The following KCNE2 variants were observed in gnomAD, a reference collection of about 807,000 sequenced individuals.
KCNE2 encodes the protein potassium voltage-gated channel subfamily E regulatory subunit 2, also known as potassium voltage-gated channel subfamily E member 2.
KCNE2 carries 4 observed loss-of-function variants against 4.5 expected under a neutral mutation model. That is an observed-to-expected ratio of 0.89 (90% confidence interval 0.44 to 2.03). KCNE2 has a LOEUF of 2.03. Among genes scored for constraint, KCNE2 ranks in the 30% most tolerant of loss-of-function variants. KCNE2 has a pLI of 0.03. For missense variants in KCNE2, 137 were observed against 151.4 expected (o/e 0.90, Z 0.50); for synonymous variants, 57 against 55.9 (o/e 1.02, Z -0.09).
intron 1 of KCNE2, among the ~76,000 whole-genome samples, chr21:34,364,501 G>A (rs1264878013): frequency 1.3e-5 from 2 of 152,140 alleles, no homozygotes; most frequent in Non-Finnish European, 2.9e-5. Context: ...TGGGCGCGGT[G>A]GCTCACGCCT....
At chr21:34,368,866 T>C (rs557255766) in intron 1 of KCNE2, among the ~76,000 whole-genome samples, 1 of 152,226 alleles carries the variant, frequency 6.6e-6, no homozygotes, top group South Asian at 2.1e-4. Context: ...ACTGCATATG[T>C]GATGTGTGCT....
chr21:34,369,078 C>T (rs1417298996), intron 1 of KCNE2, among the ~76,000 whole-genome samples: 1 of 152,036 alleles, frequency 6.6e-6, no homozygotes, highest in Non-Finnish European at 1.5e-5. Context: ...AGCTTACTGA[C>T]AGGGAGGGAA....
In KCNE2 at chr21:34,368,197, T is replaced by TCACACACA. The variant is rs534677357; in HGVS notation, c.-12-2245_-12-2238dup. ...AAAAGATGAGCCCCTAAACCAATAA[T>TCACACACA]CACACACACACACACACACACACAC... is the stretch of plus-strand genomic sequence containing the variant. On this transcript the variant is annotated intron_variant, in intron 1 of 1. Transcript: ENST00000290310. Among the ~76,000 whole-genome samples, 6 of 93,230 alleles carry TCACACACA rather than the reference T, an allele frequency of 6.4e-5. No homozygotes were observed. The South Asian group carries it at 2.2e-3, about 34-fold the overall frequency. The allele number at this position is 93,230 out of a possible 152,430, so 61.2% of individuals were successfully genotyped here.
At position 34,364,126 on chromosome 21, in the gene KCNE2, T is replaced by C. The variant is rs1352550335; in HGVS notation, c.-38T>C. ...AGAACAGCCTGGCTTTGGAAAGGAATTTCATCCTGCCCACACACTGCATAG... is the reference window on the plus strand; with the variant it reads ...AGAACAGCCTGGCTTTGGAAAGGAACTTCATCCTGCCCACACACTGCATAG... On this transcript the variant is annotated 5_prime_UTR_variant, in exon 1 of 2. Coordinates refer to ENST00000290310, the MANE Select transcript of KCNE2 (RefSeq NM_172201.2). 6.6e-6 allele frequency: 1 copy of C among 152,168 alleles called. No homozygotes were observed. The highest frequency in any genetic ancestry group is 1.5e-5 in the Non-Finnish European group (1 of 68,036). 9.4% of individuals were successfully genotyped at this position (152,168 alleles called of 1,614,324 possible).
At chr21:34,369,050 A>G (rs1180711311) in intron 1 of KCNE2, among the ~76,000 whole-genome samples, 1 of 152,082 alleles carries the variant, frequency 6.6e-6, no homozygotes, top group African/African-American at 2.4e-5. Context: ...AGGATGTGAT[A>G]ATGTCCCGAG....
intron 1 of KCNE2, among the ~76,000 whole-genome samples, chr21:34,368,229 A>AATATGTATAT (rs1555836787): frequency 1.2e-5 from 1 of 84,810 alleles, no homozygotes; most frequent in Non-Finnish European, 2.0e-5. Flanking sequence ...ACACACACAC[A>AATATGTATAT]ATATATATAT....
chr21:34,368,670 A>G (rs1282125788), intron 1 of KCNE2, among the ~76,000 whole-genome samples: 1 of 152,188 alleles, frequency 6.6e-6, no homozygotes, highest in Non-Finnish European at 1.5e-5. Flanking sequence ...CAATTCTCTA[A>G]AAACAGAGAT....
chr21:34,370,567 C>A lies in KCNE2; in HGVS notation c.89C>A (p.Thr30Lys), dbSNP rs772975913. Residue 30 changes from threonine to lysine, a missense_variant, in exon 2 of 2, where the codon ACA (threonine) becomes AAA (lysine). Physicochemically the swap from Thr to Lys is moderately conservative, Grantham distance 78. Coordinates refer to ENST00000290310, the MANE Select transcript of KCNE2 (RefSeq NM_172201.2). The stretch of plus-strand genomic sequence containing the variant: ...TATATGGACAATTGGCGCCAGAACA[C>A]AACAGCTGAGCAAGAGGCCCTCCAA... ...ITYMDNWRQN[T>K]TAEQEALQAK... is the part of the protein sequence containing the mutation. The A allele has an allele frequency of 1.2e-6, 2 of 1,614,074 alleles. No homozygotes were observed. Among genetic ancestry groups the A allele is most frequent in the African/African-American group, 2.7e-5 (2 of 74,928 alleles).
At chr21:34,368,239 T>C (rs1413738260) in intron 1 of KCNE2, among the ~76,000 whole-genome samples, 22 of 109,768 alleles carry the variant, frequency 2.0e-4, no homozygotes, top group Admixed American at 1.4e-3. Flanking sequence ...AATATATATA[T>C]ATATATATAT....
chr21:34,369,557 A>G (rs9984281), intron 1 of KCNE2, among the ~76,000 whole-genome samples: 25,785 of 152,060 alleles, frequency 0.17, 2,382 homozygotes, highest in South Asian at 0.26. Context: ...CTTAAGAAAA[A>G]AAAAAGGGCA....
intron 1 of KCNE2, among the ~76,000 whole-genome samples, chr21:34,367,027 A>T (rs1663883797): frequency 6.7e-6 from 1 of 149,620 alleles, no homozygotes; most frequent in African/African-American, 2.5e-5. Flanking sequence ...TAACATGGTC[A>T]TTTGCAGAAG....
At chr21:34,369,642 T>G (rs1229619481) in intron 1 of KCNE2, among the ~76,000 whole-genome samples, 1 of 152,188 alleles carries the variant, frequency 6.6e-6, no homozygotes, top group Admixed American at 6.5e-5. Context: ...TTGTGTTGTA[T>G]TACATTGTTG....
chr21:34,368,258 A>G lies in KCNE2; in HGVS notation c.-12-2209A>G, dbSNP rs945020035. ...TATATATATATATATATATATATAT[A>G]TATGTATGTTATATATATGTATGTT... On this transcript the variant is annotated intron_variant, in intron 1 of 1. Coordinates refer to ENST00000290310, the MANE Select transcript of KCNE2 (RefSeq NM_172201.2). 1.7e-4 allele frequency among the ~76,000 whole-genome samples: 16 copies of G among 96,208 alleles called. No individual in the cohort carries two copies. In the South Asian group the frequency reaches 2.8e-3, roughly 17 times the overall value. The allele number at this position is 96,208 out of a possible 152,430, so 63.1% of individuals were successfully genotyped here.
rs1176502382 is a variant in KCNE2 at position 34,370,932 on chromosome 21, T to G, written c.*82T>G. The G allele has an allele frequency of 6.3e-7, 1 of 1,576,868 alleles. No individual in the cohort carries two copies. The highest frequency in any genetic ancestry group is 2.2e-5 in the East Asian group (1 of 44,510). ...GCCACGAGGCAAATCCAAATTGTCT[T>G]TGCTTAGAAGAAAGTGAGTTCCTTG... On this transcript the variant is annotated 3_prime_UTR_variant, in exon 2 of 2. Coordinates refer to ENST00000290310, the MANE Select transcript of KCNE2 (RefSeq NM_172201.2).
At chr21:34,366,811 G>C (rs11700409) in intron 1 of KCNE2, among the ~76,000 whole-genome samples, 82,907 of 150,538 alleles carry the variant, frequency 0.55, 23,864 homozygotes, top group East Asian at 0.79. Context: ...AACCCCGTCT[G>C]TACTAAAAAT....
rs79922925 is a variant in KCNE2, at chr21:34,365,915, C to T, written c.-13+1764C>T. Among the ~76,000 whole-genome samples the T allele has an allele frequency of 3.6e-4, 55 of 152,322 alleles. 2 individuals carry two copies. The highest frequency in any genetic ancestry group is 7.7e-4 in the East Asian group (4 of 5,190). ...GCCACTCGGCCACATCTCATGCATC[C>T]GTATTCAAAAGCCAAATCCCTTTTG... On this transcript the variant is annotated intron_variant, in intron 1 of 1. Coordinates refer to ENST00000290310, the MANE Select transcript of KCNE2 (RefSeq NM_172201.2).
Position 34,370,835 on chromosome 21 carries a change from C to G in KCNE2, c.357C>G (p.Phe119Leu), listed in dbSNP as rs139202426. 1 of 1,614,010 alleles carries G rather than the reference C, an allele frequency of 6.2e-7. No homozygotes were observed. The highest frequency in any genetic ancestry group is 1.1e-5 in the South Asian group (1 of 91,070). The change falls in exon 2 of 2, where the codon TTC (phenylalanine) becomes TTG (leucine). Residue 119 changes from phenylalanine to leucine, a missense_variant. Physicochemically the swap from Phe to Leu is conservative, Grantham distance 22. Coordinates refer to ENST00000290310, the MANE Select transcript of KCNE2 (RefSeq NM_172201.2). ...TIHENIGAAG[F>L]KMSP ...ATGAGAACATTGGTGCGGCTGGGTT[C>G]AAAATGTCCCCCTGATAAGGGAGAA...
At chr21:34,365,016 CAGTG>C (rs1415108850) in intron 1 of KCNE2, among the ~76,000 whole-genome samples, 2 of 152,148 alleles carry the variant, frequency 1.3e-5, no homozygotes, top group African/African-American at 2.4e-5. Context: ...GCAATGAAAA[CAGTG>C]AGTTATTGGA....
At position 34,370,946 on chromosome 21, in the gene KCNE2, G is replaced by C; in HGVS notation, c.*96G>C. 1 of 1,491,386 alleles carries C rather than the reference G, an allele frequency of 6.7e-7. No individual in the cohort carries two copies. The highest frequency in any genetic ancestry group is 9.3e-7 in the Non-Finnish European group (1 of 1,076,812). 92.4% of individuals were successfully genotyped at this position (1,491,386 alleles called of 1,614,324 possible). ...CCAAATTGTCTTTGCTTAGAAGAAA[G>C]TGAGTTCCTTGCTCTCTGTTGAGAA... On this transcript the variant is annotated 3_prime_UTR_variant, in exon 2 of 2. Transcript: ENST00000290310.
Sources: gnomAD v4.1 joint callset for allele counts (sites outside exome capture counted in the v4.1 genomes callset) on GRCh38, gnomAD v4.1.1 for gene constraint, MANE v1.5 for transcripts, NCBI Gene and HGNC (gene_info 2026-07-23, HGNC 2026-07-21) for gene names.